LRFN5: variants seen among roughly 807,000 people sequenced by gnomAD.
LRFN5 encodes the protein leucine-rich repeat and fibronectin type-III domain-containing protein 5.
LRFN5 carries 24 observed loss-of-function variants against 45.6 expected under a neutral mutation model. The observed-to-expected ratio is 0.53, with a 90% CI of 0.38 to 0.74. The LOEUF (loss-of-function observed/expected upper bound fraction) is 0.74. Among genes scored for constraint, LRFN5 ranks in the 30% least tolerant of loss-of-function variants. The probability of loss-of-function intolerance (pLI) is 0.00; values close to 1 mark genes in which losing one functional copy is unlikely to be tolerated. For synonymous variants in LRFN5, 340 were observed against 313.8 expected (o/e 1.08, Z -0.88); for missense variants, 776 against 861.5 (o/e 0.90, Z 1.24).
chr14:41,856,675 ATTTTTT>A (rs1555326982), intron 2 of LRFN5, among the ~76,000 whole-genome samples: 1 of 18,328 alleles, frequency 5.5e-5, no homozygotes. Context: ...TATTATTATT[ATTTTTT>A]TTTTTTTTTT....
intron 1 of LRFN5, among the ~76,000 whole-genome samples, chr14:41,742,130 G>C (rs1383058831): frequency 1.3e-5 from 2 of 151,760 alleles, no homozygotes; most frequent in African/African-American, 4.8e-5. Flanking sequence ...ACTAAAAGTA[G>C]ATTCCATATG....
rs1193482509 is a variant in LRFN5 at position 41,757,894 on chromosome 14, G to C, written c.-196-8960G>C. Among the ~76,000 whole-genome samples the C allele has an allele frequency of 2.6e-5, 4 of 152,108 alleles. No individual in the cohort carries two copies. In the East Asian group the frequency reaches 7.8e-4, roughly 29 times the overall value. ...GGACCTGTTCCTATTCGGCCATCTT[G>C]GCTCCAGAAGAATGTCATTTTTGGT... is the stretch of plus-strand genomic sequence containing the variant. On this transcript the variant is annotated intron_variant, in intron 1 of 5. Transcript: ENST00000298119.
At chr14:41,656,565 G>C (rs539885389) in intron 1 of LRFN5, among the ~76,000 whole-genome samples, 1 of 151,946 alleles carries the variant, frequency 6.6e-6, no homozygotes, top group Non-Finnish European at 1.5e-5. Context: ...GGAGTATAGG[G>C]GAGGGGAACA....
chr14:41,609,873 C>T (rs1007845300), intron 1 of LRFN5, among the ~76,000 whole-genome samples: 29 of 152,304 alleles, frequency 1.9e-4, no homozygotes, highest in African/African-American at 6.3e-4. Context: ...TTTTCCCCCA[C>T]TCGCTGCATT....
chr14:41,689,189 T>C (rs1300637548), intron 1 of LRFN5, among the ~76,000 whole-genome samples: 1 of 151,980 alleles, frequency 6.6e-6, no homozygotes, highest in Non-Finnish European at 1.5e-5. Context: ...ATTTATTCCT[T>C]AAGGAGCTAG....
Position 41,891,412 on chromosome 14 carries a change from T to C in LRFN5, c.1548T>C (p.Arg516=), listed in dbSNP as rs1890775390. 2 of 1,614,002 alleles carry C rather than the reference T, an allele frequency of 1.2e-6. No individual in the cohort carries two copies. Among genetic ancestry groups the C allele is most frequent in the Admixed American group, 1.7e-5 (1 of 59,994 alleles). Residue 516 remains arginine, a synonymous_variant, in exon 4 of 6, where the codon CGT becomes CGC. Coordinates refer to ENST00000298119, the MANE Select transcript of LRFN5 (RefSeq NM_152447.5). The stretch of plus-strand genomic sequence containing the variant: ...TTACTACGGAACAGGATTATGTGCG[T>C]TGCCATTTCATGCAGTCTCAGTTTT... ...IQFTTEQDYV[R]CHFMQSQFLG... is the part of the protein sequence containing the mutation.
At chr14:41,811,948 CTATT>C (rs1186491676) in intron 2 of LRFN5, among the ~76,000 whole-genome samples, 1 of 151,966 alleles carries the variant, frequency 6.6e-6, no homozygotes, top group Admixed American at 6.6e-5. Flanking sequence ...TTCAATAAAT[CTATT>C]TAAAATAATT....
At chr14:41,770,768 T>G (rs1016691134) in intron 2 of LRFN5, among the ~76,000 whole-genome samples, 1 of 152,096 alleles carries the variant, frequency 6.6e-6, no homozygotes, top group Non-Finnish European at 1.5e-5. Context: ...CCAGTGAATC[T>G]ACCACTCTGG....
chr14:41,821,945 T>C (rs1056575376), intron 2 of LRFN5, among the ~76,000 whole-genome samples: 1 of 151,972 alleles, frequency 6.6e-6, no homozygotes, highest in Admixed American at 6.6e-5. Context: ...TGTTTGTGCA[T>C]GTAGAAATGC....
chr14:41,732,193 ACAG>A (rs1290867484), intron 1 of LRFN5, among the ~76,000 whole-genome samples: 3 of 152,146 alleles, frequency 2.0e-5, no homozygotes, highest in African/African-American at 7.2e-5. Context: ...CAGCATGCAT[ACAG>A]CTTGGGGAAG....
At chr14:41,755,675 T>C (rs1885344414) in intron 1 of LRFN5, among the ~76,000 whole-genome samples, 1 of 152,208 alleles carries the variant, frequency 6.6e-6, no homozygotes, top group Non-Finnish European at 1.5e-5. Context: ...ACATGAGATG[T>C]GTTTTCTGAA....
At chr14:41,774,352 T>G (rs1165441738) in intron 2 of LRFN5, among the ~76,000 whole-genome samples, 1 of 152,208 alleles carries the variant, frequency 6.6e-6, no homozygotes, top group East Asian at 1.9e-4. Flanking sequence ...TTAGAATTTC[T>G]GTGTAAACTG....
intron 1 of LRFN5, among the ~76,000 whole-genome samples, chr14:41,759,580 ACT>A (rs759781313): frequency 3.3e-5 from 5 of 151,954 alleles, no homozygotes; most frequent in African/African-American, 9.7e-5. Flanking sequence ...ACAGGTAAAG[ACT>A]CTGATTAACA....
intron 2 of LRFN5, among the ~76,000 whole-genome samples, chr14:41,769,444 G>A (rs565832995): frequency 9.0e-4 from 137 of 152,226 alleles, no homozygotes; most frequent in African/African-American, 2.7e-3. Context: ...AACAGCAAAT[G>A]TGCCTGTAGG....
chr14:41,650,505 G>A (rs539227101), intron 1 of LRFN5, among the ~76,000 whole-genome samples: 2 of 152,148 alleles, frequency 1.3e-5, no homozygotes, highest in South Asian at 4.2e-4. Context: ...TGAGCTAATG[G>A]AAATTTACAT....
chr14:41,649,559 A>C (rs886456719), intron 1 of LRFN5, among the ~76,000 whole-genome samples: 8 of 152,116 alleles, frequency 5.3e-5, no homozygotes, highest in African/African-American at 1.9e-4. Flanking sequence ...TGTGCACTTC[A>C]TTATAAAATC....
At chr14:41,626,593 A>G (rs1164947777) in intron 1 of LRFN5, among the ~76,000 whole-genome samples, 2 of 152,048 alleles carry the variant, frequency 1.3e-5, no homozygotes, top group African/African-American at 2.4e-5. Flanking sequence ...TGGGGGCTCT[A>G]TTTATGTTCA....
At chr14:41,732,057 T>G (rs572771854) in intron 1 of LRFN5, among the ~76,000 whole-genome samples, 1 of 152,210 alleles carries the variant, frequency 6.6e-6, no homozygotes, top group Non-Finnish European at 1.5e-5. Context: ...CTGAAGCCTA[T>G]TGAAGTCTTG....
intron 2 of LRFN5, among the ~76,000 whole-genome samples, chr14:41,844,243 C>A (rs1888972186): frequency 1.3e-5 from 2 of 152,166 alleles, no homozygotes; most frequent in Non-Finnish European, 2.9e-5. Context: ...CGAGACCATC[C>A]TGGCTAACAT....
Sources: allele counts gnomAD v4.1 joint callset (sites outside exome capture counted in the v4.1 genomes callset), GRCh38; gene constraint gnomAD v4.1.1; transcripts MANE v1.5; gene names NCBI Gene and HGNC (gene_info 2026-07-23, HGNC 2026-07-21).